EPB41L4A: variants seen among roughly 807,000 people sequenced by gnomAD.
The protein encoded by EPB41L4A is band 4.1-like protein 4A.
EPB41L4A carries 100 observed loss-of-function variants against 108.6 expected under a neutral mutation model. The observed-to-expected ratio is 0.92, with a 90% CI of 0.78 to 1.09. The LOEUF is 1.09. Among genes scored for constraint, EPB41L4A ranks in the 50% least tolerant of loss-of-function variants. The probability of loss-of-function intolerance (pLI) is 0.00; values close to 1 mark genes in which losing one functional copy is unlikely to be tolerated. For synonymous variants in EPB41L4A, 319 were observed against 289.0 expected, an observed-to-expected ratio of 1.10 and a Z score of -1.05; for missense variants, 1,030 against 842.7, an observed-to-expected ratio of 1.22 and a Z score of -2.75.
chr5:112,272,053 C>T (rs995476510), intron 4 of EPB41L4A, among the ~76,000 whole-genome samples: 2 of 151,910 alleles, frequency 1.3e-5, no homozygotes, highest in Non-Finnish European at 2.9e-5. Context: ...GTATTTTTTC[C>T]TACATCAGTG....
intron 1 of EPB41L4A, among the ~76,000 whole-genome samples, chr5:112,342,918 T>C (rs575487692): frequency 1.3e-5 from 2 of 152,328 alleles, no homozygotes; most frequent in Admixed American, 6.5e-5. Flanking sequence ...CTAGAAACTA[T>C]GCAAAGTACT....
At chr5:112,331,831 T>C (rs1166716226) in intron 1 of EPB41L4A, among the ~76,000 whole-genome samples, 12 of 152,190 alleles carry the variant, frequency 7.9e-5, no homozygotes, top group Admixed American at 7.9e-4. Flanking sequence ...ATAAGGGATA[T>C]GCTGTCCATG....
chr5:112,299,651 T>TA (rs1350340944), intron 2 of EPB41L4A, among the ~76,000 whole-genome samples: 1 of 152,128 alleles, frequency 6.6e-6, no homozygotes, highest in Non-Finnish European at 1.5e-5. Context: ...TTAAGGAATA[T>TA]TATGTAAATA....
At chr5:112,178,181 T>G (rs912859989) in intron 18 of EPB41L4A, among the ~76,000 whole-genome samples, 2 of 152,134 alleles carry the variant, frequency 1.3e-5, no homozygotes, top group Non-Finnish European at 2.9e-5. Context: ...TATGGTAGAA[T>G]TTATGCGTGT....
chr5:112,341,773 C>CACACAT (rs1371304993), intron 1 of EPB41L4A, among the ~76,000 whole-genome samples: 8 of 149,766 alleles, frequency 5.3e-5, no homozygotes, highest in Non-Finnish European at 1.0e-4. Context: ...CACACACACA[C>CACACAT]ACATACACAC....
At chr5:112,246,208 T>A (rs1210647180) in intron 9 of EPB41L4A, among the ~76,000 whole-genome samples, 1 of 152,150 alleles carries the variant, frequency 6.6e-6, no homozygotes, top group East Asian at 1.9e-4. Flanking sequence ...TTTTTAAATA[T>A]CCAGTCATGC....
At chr5:112,281,176 T>C (rs1185561562) in intron 2 of EPB41L4A, among the ~76,000 whole-genome samples, 1 of 152,236 alleles carries the variant, frequency 6.6e-6, no homozygotes, top group Non-Finnish European at 1.5e-5. Context: ...TAGCTCAGGC[T>C]ACACATGCTA....
At chr5:112,293,369 T>C (rs55898131) in intron 2 of EPB41L4A, among the ~76,000 whole-genome samples, 18 of 98,904 alleles carry the variant, frequency 1.8e-4, no homozygotes, top group African/African-American at 1.2e-3. Flanking sequence ...TCCCTCCTTT[T>C]AATTTAGTTT....
At chr5:112,323,804 A>G (rs890751344) in intron 1 of EPB41L4A, among the ~76,000 whole-genome samples, 2 of 152,194 alleles carry the variant, frequency 1.3e-5, no homozygotes, top group South Asian at 4.1e-4. Flanking sequence ...GTCACAGACT[A>G]AAGATAAAAA....
intron 1 of EPB41L4A, among the ~76,000 whole-genome samples, chr5:112,417,400 T>C (rs1334070763): frequency 6.6e-6 from 1 of 152,226 alleles, no homozygotes; most frequent in Non-Finnish European, 1.5e-5. Context: ...AAGATTTCTT[T>C]ACTGTCTTAG....
chr5:112,187,498 C>T (rs986789926), intron 17 of EPB41L4A, among the ~76,000 whole-genome samples: 1 of 152,302 alleles, frequency 6.6e-6, no homozygotes, highest in African/African-American at 2.4e-5. Flanking sequence ...CCAGACTATC[C>T]ATACAATTTA....
At chr5:112,185,116 G>A (rs10054610) in intron 17 of EPB41L4A, among the ~76,000 whole-genome samples, 3 of 149,802 alleles carry the variant, frequency 2.0e-5, no homozygotes, top group African/African-American at 7.4e-5. Flanking sequence ...TTGGCAAAAC[G>A]GAACCCCTGT....
At chr5:112,323,451 G>A (rs1372774993) in intron 1 of EPB41L4A, among the ~76,000 whole-genome samples, 1 of 152,070 alleles carries the variant, frequency 6.6e-6, no homozygotes, top group East Asian at 1.9e-4. Context: ...ACTATTTAAG[G>A]GAACTCTGAC....
At chr5:112,375,828 G>T (rs1283157705) in intron 1 of EPB41L4A, among the ~76,000 whole-genome samples, 1 of 152,080 alleles carries the variant, frequency 6.6e-6, no homozygotes, top group Non-Finnish European at 1.5e-5. Flanking sequence ...TGGATTGATG[G>T]ATCTAAACTG....
At chr5:112,403,104 C>A (rs564901164) in intron 1 of EPB41L4A, among the ~76,000 whole-genome samples, 11 of 151,866 alleles carry the variant, frequency 7.2e-5, no homozygotes, top group Admixed American at 2.6e-4. Flanking sequence ...TTTTTTCACC[C>A]CCATTCACAA....
intron 1 of EPB41L4A, among the ~76,000 whole-genome samples, chr5:112,323,188 C>T (rs1170496792): frequency 1.3e-5 from 2 of 151,426 alleles, no homozygotes; most frequent in Non-Finnish European, 2.9e-5. Flanking sequence ...CAGACAACAA[C>T]AAATAAGACA....
Position 112,264,958 on chromosome 5 carries a change from C to T in EPB41L4A, c.492G>A (p.Arg164=). The change falls in exon 6 of 23, where the codon CGG becomes CGA. Residue 164 remains arginine, a synonymous_variant. Transcript: ENST00000261486. The part of the protein sequence containing the change: ...KHTAGYVSEY[R]FVPDQKEELE... ...GTTCTTCCTTCTGATCAGGAACAAACCGGTACTCAGATACATATCCTGCAG... is the reference window on the plus strand; with the variant it reads ...GTTCTTCCTTCTGATCAGGAACAAATCGGTACTCAGATACATATCCTGCAG... The T allele has an allele frequency of 6.2e-7, 1 of 1,611,972 alleles. No individual in the cohort carries two copies. The highest frequency in any genetic ancestry group is 8.5e-7 in the Non-Finnish European group (1 of 1,179,012).
At chr5:112,178,724 T>C (rs1431685546) in intron 18 of EPB41L4A, among the ~76,000 whole-genome samples, 1 of 151,890 alleles carries the variant, frequency 6.6e-6, no homozygotes, top group Non-Finnish European at 1.5e-5. Flanking sequence ...TTGAACTGTA[T>C]GATAACAAAA....
intron 17 of EPB41L4A, among the ~76,000 whole-genome samples, chr5:112,193,707 T>C (rs186997345): frequency 9.2e-5 from 14 of 152,244 alleles, no homozygotes; most frequent in Non-Finnish European, 1.9e-4. Flanking sequence ...ACTACTGATA[T>C]GTTTTTGTAC....
Sources: allele counts gnomAD v4.1 joint callset (sites outside exome capture counted in the v4.1 genomes callset), GRCh38; gene constraint gnomAD v4.1.1; transcripts MANE v1.5; gene names NCBI Gene and HGNC (gene_info 2026-07-23, HGNC 2026-07-21).